Variants in SLC38A12 observed in about 807,000 individuals in gnomAD.
The protein encoded by SLC38A12 is solute carrier family 38 member 12, also known as putative sodium-coupled neutral amino acid transporter 12.
At chr17:74,790,330 C>T in the SLC38A12 span, 11 of 1,577,892 alleles carry the variant, frequency 7.0e-6, no homozygotes, top group Non-Finnish European at 9.6e-6. Flanking sequence ...CCCGCACTTC[C>T]CTCCGGGCCA....
chr17:74,824,647 G>A, the SLC38A12 span, among the ~76,000 whole-genome samples: 4 of 152,134 alleles, frequency 2.6e-5, no homozygotes, highest in Non-Finnish European at 4.4e-5. Flanking sequence ...AGCCCTCCTC[G>A]GGCCTGGGCT....
chr17:74,838,186 T>C, the SLC38A12 span: 17 of 985,634 alleles, frequency 1.7e-5, no homozygotes, highest in Non-Finnish European at 2.0e-5. Context: ...CTCAGCCCGC[T>C]TTCTCTGTGC....
the SLC38A12 span, chr17:74,837,731 C>A: frequency 1.0e-6 from 1 of 985,838 alleles, no homozygotes; most frequent in Non-Finnish European, 1.2e-6. Flanking sequence ...AGGCCAGGTC[C>A]CCAGCCACCT....
the SLC38A12 span, among the ~76,000 whole-genome samples, chr17:74,790,797 G>GT: frequency 6.6e-6 from 1 of 150,730 alleles, no homozygotes; most frequent in South Asian, 2.1e-4. Flanking sequence ...AAAAAAGACT[G>GT]TGTTAAACCA....
the SLC38A12 span, among the ~76,000 whole-genome samples, chr17:74,835,297 G>A: frequency 5.3e-5 from 8 of 152,292 alleles, no homozygotes; most frequent in Admixed American, 5.2e-4. Context: ...TTCTGCCCTG[G>A]CGTGACCACT....
At chr17:74,791,952 C>T in the SLC38A12 span, among the ~76,000 whole-genome samples, 4 of 145,276 alleles carry the variant, frequency 2.8e-5, no homozygotes, top group Non-Finnish European at 6.0e-5. Flanking sequence ...CGAGACCATC[C>T]TGGCTAACAC....
At chr17:74,795,682 T>G in the SLC38A12 span, 1 of 1,443,146 alleles carries the variant, frequency 6.9e-7, no homozygotes, top group Non-Finnish European at 9.7e-7. Context: ...CCTGCACAGC[T>G]GAGGGCATTT....
chr17:74,826,298 C>G, the SLC38A12 span, among the ~76,000 whole-genome samples: 1 of 152,192 alleles, frequency 6.6e-6, no homozygotes, highest in Non-Finnish European at 1.5e-5. Context: ...CTTCACCAGG[C>G]TGCTGCCACC....
At chr17:74,818,194 G>A in the SLC38A12 span, among the ~76,000 whole-genome samples, 1 of 152,200 alleles carries the variant, frequency 6.6e-6, no homozygotes, top group Non-Finnish European at 1.5e-5. Context: ...GGGGACGGCG[G>A]AGGCTGTCCA....
chr17:74,780,139 G>T, the SLC38A12 span, among the ~76,000 whole-genome samples: 13 of 152,370 alleles, frequency 8.5e-5, no homozygotes, highest in Non-Finnish European at 5.9e-5. Flanking sequence ...TCCTGCTGAA[G>T]ATTGTTGCGG....
the SLC38A12 span, chr17:74,836,763 A>T: frequency 1.3e-6 from 2 of 1,504,136 alleles, no homozygotes; most frequent in Non-Finnish European, 1.8e-6. The surrounding 1 kb of genome is among the most constrained non-coding windows in gnomAD (Gnocchi z 4.2). Flanking sequence ...GCCCAGATTT[A>T]GTTGCTCCCA....
the SLC38A12 span, among the ~76,000 whole-genome samples, chr17:74,809,201 C>T: frequency 8.5e-5 from 13 of 152,124 alleles, no homozygotes; most frequent in Non-Finnish European, 1.5e-4. Flanking sequence ...ATGGGTTTTT[C>T]TTGGCTCTGT....
chr17:74,825,479 G>A, the SLC38A12 span, among the ~76,000 whole-genome samples: 1 of 152,354 alleles, frequency 6.6e-6, no homozygotes, highest in African/African-American at 2.4e-5. Flanking sequence ...ACGCTTGCTG[G>A]CAAACAGCCA....
the SLC38A12 span, among the ~76,000 whole-genome samples, chr17:74,809,932 C>T: frequency 6.6e-6 from 1 of 152,152 alleles, no homozygotes; most frequent in African/African-American, 2.4e-5. Context: ...TCTTTATCTC[C>T]GCTAGCTGGG....
At chr17:74,795,201 C>A in the SLC38A12 span, 1 of 1,086,804 alleles carries the variant, frequency 9.2e-7, no homozygotes, top group Non-Finnish European at 1.4e-6. Context: ...AAGCACCATG[C>A]CAAGTGAGTT....
At chr17:74,809,361 C>T in the SLC38A12 span, among the ~76,000 whole-genome samples, 58 of 152,270 alleles carry the variant, frequency 3.8e-4, no homozygotes, top group African/African-American at 1.4e-3. Flanking sequence ...CTCTGGTTGT[C>T]TCCTCACTGA....
the SLC38A12 span, chr17:74,819,942 G>C: frequency 9.1e-7 from 1 of 1,104,168 alleles, no homozygotes; most frequent in East Asian, 2.4e-5. Flanking sequence ...CGTAGCTGGA[G>C]TGTGGTGGTG....
chr17:74,803,767 A>C, the SLC38A12 span, among the ~76,000 whole-genome samples: 2 of 152,202 alleles, frequency 1.3e-5, no homozygotes, highest in Non-Finnish European at 2.9e-5. Flanking sequence ...TCAACAGCCC[A>C]GTCCATCCCA....
the SLC38A12 span, among the ~76,000 whole-genome samples, chr17:74,788,148 C>G: frequency 1.3e-4 from 20 of 152,174 alleles, no homozygotes; most frequent in Non-Finnish European, 2.5e-4. Context: ...AGTCTGACTT[C>G]TTGGCAAGCG....
Sources: allele counts gnomAD v4.1 joint callset (sites outside exome capture counted in the v4.1 genomes callset), GRCh38; gene constraint gnomAD v4.1.1; non-coding constraint Gnocchi (gnomAD v3.1); transcripts MANE v1.5; gene names NCBI Gene and HGNC (gene_info 2026-07-23, HGNC 2026-07-21).